The following FAM220A variants were observed in gnomAD, a reference collection of about 807,000 sequenced individuals.
FAM220A encodes family with sequence similarity 220 member A.
For missense variants in FAM220A, 392 were observed against 321.6 expected (o/e 1.22, Z -1.68); for synonymous variants, 141 against 130.7 (o/e 1.08, Z -0.54).
chr7:6,343,948 G>A (rs988358305), intron 1 of FAM220A, among the ~76,000 whole-genome samples: 2 of 151,998 alleles, frequency 1.3e-5, no homozygotes, highest in African/African-American at 4.8e-5. Flanking sequence ...AGCAGTGGTG[G>A]GATCATAGCT....
chr7:6,334,483 G>A (rs1484817597), intron 1 of FAM220A, among the ~76,000 whole-genome samples: 1 of 151,948 alleles, frequency 6.6e-6, no homozygotes, highest in African/African-American at 2.4e-5. Flanking sequence ...CTCAAAAAAA[G>A]AAAAGATGGA....
intron 1 of FAM220A, among the ~76,000 whole-genome samples, chr7:6,331,688 A>G (rs1781639402): frequency 6.6e-6 from 1 of 151,232 alleles, no homozygotes; most frequent in African/African-American, 2.4e-5. Context: ...CCTAGTGGAG[A>G]ACATTTCGTG....
At chr7:6,347,931 A>G (rs978077894) in intron 1 of FAM220A, among the ~76,000 whole-genome samples, 3 of 144,272 alleles carry the variant, frequency 2.1e-5, no homozygotes, top group Admixed American at 7.1e-5. Context: ...TATTATTGAG[A>G]TGGAGTTTCC....
At position 6,348,835 on chromosome 7, in the gene FAM220A, G is replaced by C. The variant is rs1023817512; in HGVS notation, c.-344C>G. ...CGCCCCGGCAGCTGACCCTCGCCTG[G>C]CGTGCTCAGGGAGCGAAGGAGGCGG... On this transcript the variant is annotated 5_prime_UTR_variant, in exon 1 of 2. Coordinates refer to ENST00000313324, the MANE Select transcript of FAM220A (RefSeq NM_001037163.2). The C allele has an allele frequency of 4.1e-5, 16 of 394,058 alleles. No individual in the cohort carries two copies. Among genetic ancestry groups the C allele is most frequent in the Admixed American group, 1.8e-4 (4 of 22,534 alleles). The allele number at this position is 394,058 out of a possible 1,614,324, so 24.4% of individuals were successfully genotyped here. A position where few individuals can be genotyped will look rare whatever the true frequency, so the allele number is the denominator to read the frequency against.
chr7:6,345,418 G>A (rs755396857), intron 1 of FAM220A, among the ~76,000 whole-genome samples: 1 of 152,008 alleles, frequency 6.6e-6, no homozygotes, highest in Non-Finnish European at 1.5e-5. Flanking sequence ...CCCAGCCCTC[G>A]ATCTGATTTG....
chr7:6,333,434 C>G (rs960229912), intron 1 of FAM220A, among the ~76,000 whole-genome samples: 2 of 151,986 alleles, frequency 1.3e-5, no homozygotes, highest in African/African-American at 4.8e-5. Context: ...GGCTGTTCCA[C>G]AGAGCAGGAA....
chr7:6,343,504 G>A (rs1212816462), intron 1 of FAM220A, among the ~76,000 whole-genome samples: 1 of 144,684 alleles, frequency 6.9e-6, no homozygotes, highest in Non-Finnish European at 1.5e-5. Flanking sequence ...AAAAGTTGTA[G>A]GCATGACTTG....
chr7:6,338,901 G>C (rs952804573), intron 1 of FAM220A, among the ~76,000 whole-genome samples: 12 of 152,334 alleles, frequency 7.9e-5, no homozygotes, highest in Admixed American at 3.3e-4. Context: ...GGTGGGCCTT[G>C]AGGGACTGCC....
intron 1 of FAM220A, among the ~76,000 whole-genome samples, chr7:6,331,990 T>C (rs957644124): frequency 3.3e-5 from 5 of 151,690 alleles, no homozygotes; most frequent in African/African-American, 1.2e-4. Flanking sequence ...CAGGTGTCTG[T>C]AATCCCAGCT....
chr7:6,348,727 C>G lies in FAM220A; in HGVS notation c.-236G>C, dbSNP rs1392943194. 1.2e-5 allele frequency: 5 copies of G among 417,044 alleles called. No individual in the cohort carries two copies. Among genetic ancestry groups the G allele is most frequent in the Non-Finnish European group, 2.1e-5 (5 of 235,530 alleles). 25.8% of individuals were successfully genotyped at this position (417,044 alleles called of 1,614,324 possible). A position where few individuals can be genotyped will look rare whatever the true frequency, so the allele number is the denominator to read the frequency against. On this transcript the variant is annotated 5_prime_UTR_variant, in exon 1 of 2. Transcript: ENST00000313324. ...GCGGGCGGCGGCCGAGCGCGAGAGCCGGACAGCCAGGCCCGACAGAGCCGC... is the reference window on the plus strand; with the variant it reads ...GCGGGCGGCGGCCGAGCGCGAGAGCGGGACAGCCAGGCCCGACAGAGCCGC...
intron 1 of FAM220A, among the ~76,000 whole-genome samples, chr7:6,344,977 G>A (rs529630804): frequency 1.2e-3 from 181 of 152,266 alleles, no homozygotes; most frequent in Non-Finnish European, 2.1e-3. Context: ...CTGACCTCAG[G>A]TGATCTGCCT....
At chr7:6,333,559 C>A (rs758366816) in intron 1 of FAM220A, among the ~76,000 whole-genome samples, 2 of 152,042 alleles carry the variant, frequency 1.3e-5, no homozygotes, top group African/African-American at 4.8e-5. Context: ...AGGACAATGG[C>A]GTGATCACAG....
At position 6,348,963 on chromosome 7, in the gene FAM220A, A is replaced by T. The variant is rs377706391; in HGVS notation, c.-472T>A. On this transcript the variant is annotated 5_prime_UTR_variant, in exon 1 of 2. Transcript: ENST00000313324. Reference sequence around the variant, plus strand: ...GCCGCCTGTACCAGCCTGGCCGCGCAGCCTGACGTCACAAAGCCAGCCACG... The same window carrying T: ...GCCGCCTGTACCAGCCTGGCCGCGCTGCCTGACGTCACAAAGCCAGCCACG... 16 of 377,022 alleles carry T rather than the reference A, an allele frequency of 4.2e-5. No individual in the cohort carries two copies. Among genetic ancestry groups the T allele is most frequent in the East Asian group, 3.5e-4 (9 of 25,856 alleles). 23.4% of individuals were successfully genotyped at this position (377,022 alleles called of 1,614,324 possible). A position where few individuals can be genotyped will look rare whatever the true frequency, so the allele number is the denominator to read the frequency against.
rs574496169 is a variant in FAM220A, at chr7:6,334,617, C to A, written c.-81-3382G>T. Among the ~76,000 whole-genome samples the A allele has an allele frequency of 2.6e-5, 4 of 152,028 alleles. No homozygotes were observed. In the South Asian group the frequency reaches 8.3e-4, roughly 32 times the overall value. On this transcript the variant is annotated intron_variant, in intron 1 of 1. Transcript: ENST00000313324. The stretch of plus-strand genomic sequence containing the variant: ...GAGTAGCTGGGACTACAGGTGCACA[C>A]CGCCACGCCCGGCTAATTTTTTATA...
Position 6,342,991 on chromosome 7 carries a change from C to T in FAM220A, c.-82+5582G>A, listed in dbSNP as rs146418804. On this transcript the variant is annotated intron_variant, in intron 1 of 1. Transcript: ENST00000313324. Reference sequence around the variant, plus strand: ...GCTGGAGGCTGTAGTGAGCTATGATCGCACCACTGCACTCCAGCCTGGATG... The same window carrying T: ...GCTGGAGGCTGTAGTGAGCTATGATTGCACCACTGCACTCCAGCCTGGATG... Among the ~76,000 whole-genome samples the T allele has an allele frequency of 8.3e-3, 1,246 of 150,832 alleles. 17 individuals are homozygous for T. The highest frequency in any genetic ancestry group is 0.029 in the African/African-American group (1,178 of 41,036).
rs1171125231 is a variant in FAM220A at position 6,329,592 on chromosome 7, C to T, written c.*783G>A. 3 of 157,152 alleles carry T rather than the reference C, an allele frequency of 1.9e-5. No homozygotes were observed. The highest frequency in any genetic ancestry group is 4.4e-5 in the Non-Finnish European group (3 of 68,040). 9.7% of individuals were successfully genotyped at this position (157,152 alleles called of 1,614,324 possible). A position where few individuals can be genotyped will look rare whatever the true frequency, so the allele number is the denominator to read the frequency against. ...TTAAAAACTTATGTCCTTAAATGAC[C>T]TTTATTAAAGTTATCAACAGACGAC... On this transcript the variant is annotated 3_prime_UTR_variant, in exon 2 of 2. Coordinates refer to ENST00000313324, the MANE Select transcript of FAM220A (RefSeq NM_001037163.2).
intron 1 of FAM220A, among the ~76,000 whole-genome samples, chr7:6,337,620 T>C (rs1275427418): frequency 6.6e-6 from 1 of 151,638 alleles, no homozygotes; most frequent in African/African-American, 2.4e-5. Flanking sequence ...ACTAACGCAG[T>C]ATAAGGTACC....
chr7:6,346,993 G>T (rs1781963835), intron 1 of FAM220A, among the ~76,000 whole-genome samples: 3 of 152,130 alleles, frequency 2.0e-5, no homozygotes, highest in Non-Finnish European at 4.4e-5. Context: ...CTTTCTTTGA[G>T]AAAGAATTCT....
intron 1 of FAM220A, among the ~76,000 whole-genome samples, chr7:6,335,175 G>A (rs1425753610): frequency 1.3e-5 from 2 of 151,942 alleles, no homozygotes; most frequent in Non-Finnish European, 2.9e-5. Context: ...CGATTCTCCT[G>A]CATCAGCCTC....
Sources: gnomAD v4.1 joint callset for allele counts (sites outside exome capture counted in the v4.1 genomes callset) on GRCh38, gnomAD v4.1.1 for gene constraint, MANE v1.5 for transcripts, NCBI Gene and HGNC (gene_info 2026-07-23, HGNC 2026-07-21) for gene names.